KAZN: variants seen among roughly 807,000 people sequenced by gnomAD.
KAZN encodes the protein kazrin.
In KAZN, 40 loss-of-function variants were observed where a neutral mutation model predicts 87.4. That is an observed-to-expected ratio of 0.46 (90% CI 0.36 to 0.60). KAZN has a LOEUF of 0.60. KAZN is among the 20% of genes least tolerant of loss of function. KAZN has a pLI of 0.00. For missense variants in KAZN, 898 were observed against 1,073.9 expected (o/e 0.84, Z 2.29); for synonymous variants, 466 against 458.3 (o/e 1.02, Z -0.22).
At chr1:14,516,354 G>A (rs77358891) in intron 2 of KAZN, among the ~76,000 whole-genome samples, 43 of 152,236 alleles carry the variant, frequency 2.8e-4, no homozygotes, top group African/African-American at 9.6e-4. Context: ...TCTTCTCACC[G>A]GCAGATCAGA....
At chr1:14,232,677 G>A (rs1156613870) in intron 2 of KAZN, among the ~76,000 whole-genome samples, 1 of 152,174 alleles carries the variant, frequency 6.6e-6, no homozygotes, top group African/African-American at 2.4e-5. Flanking sequence ...GTTGCGTGAT[G>A]TTCCAGTACT....
At chr1:14,495,460 C>T (rs911812407) in intron 2 of KAZN, among the ~76,000 whole-genome samples, 17 of 152,154 alleles carry the variant, frequency 1.1e-4, no homozygotes, top group African/African-American at 4.1e-4. Flanking sequence ...CCAGATGGCT[C>T]ACTCCACACC....
At chr1:14,872,735 CATGGATGGATGGTTCG>C (rs1371321227) in intron 1 of KAZN, among the ~76,000 whole-genome samples, 1 of 152,104 alleles carries the variant, frequency 6.6e-6, no homozygotes, top group African/African-American at 2.4e-5. Context: ...GAAATTATTG[CATGGATGGATGGTTCG>C]ATGGATGGAT....
intron 1 of KAZN, among the ~76,000 whole-genome samples, chr1:13,911,990 T>G (rs1188819244): frequency 6.6e-6 from 1 of 152,220 alleles, no homozygotes; most frequent in Non-Finnish European, 1.5e-5. Context: ...CCCATTACTA[T>G]TGTTTTAAAT....
At position 14,856,373 on chromosome 1, in the gene KAZN, A is replaced by G. The variant is rs1650104728; in HGVS notation, c.227-104311A>G. 6.6e-6 allele frequency among the ~76,000 whole-genome samples: 1 copy of G among 152,212 alleles called. No individual in the cohort carries two copies. The highest frequency in any genetic ancestry group is 6.5e-5 in the Admixed American group (1 of 15,286). ...CTAGAGGTTTCTTTAAAGACAAGTG[A>G]AGATTCAATGCTAAGGAATTTTGAA... On this transcript the variant is annotated intron_variant, in intron 1 of 14. Transcript: ENST00000376030. This position sits in a 1 kb window ranked among gnomAD's most constrained non-coding sequence, Gnocchi z 5.2.
At chr1:15,049,424 GGT>G (rs1016680067) in intron 4 of KAZN, among the ~76,000 whole-genome samples, 8 of 152,134 alleles carry the variant, frequency 5.3e-5, no homozygotes, top group African/African-American at 1.9e-4. Flanking sequence ...TGCTCTGTAG[GGT>G]GTGTGGCAGC....
chr1:14,924,512 G>A (rs1658929389), intron 1 of KAZN: 2 of 1,003,444 alleles, frequency 2.0e-6, no homozygotes, highest in Non-Finnish European at 2.4e-6. Context: ...GGCGGGGCCC[G>A]GCGATCGGCC....
intron 2 of KAZN, among the ~76,000 whole-genome samples, chr1:14,502,600 C>T (rs1355210842): frequency 4.6e-5 from 7 of 152,090 alleles, no homozygotes; most frequent in African/African-American, 7.2e-5. Flanking sequence ...TTCTGGCAAA[C>T]GGTCAGTTTA....
intron 1 of KAZN, among the ~76,000 whole-genome samples, chr1:14,158,986 G>T (rs868733777): frequency 2.0e-5 from 3 of 151,986 alleles, no homozygotes; most frequent in Non-Finnish European, 2.9e-5. Context: ...CTGAGCCACC[G>T]GGAGCTGGGG....
At chr1:14,924,476 G>A in intron 1 of KAZN, 1 of 993,230 alleles carries the variant, frequency 1.0e-6, no homozygotes, top group Non-Finnish European at 1.2e-6. Context: ...CCCGGGACCC[G>A]CAGCCTGCGA....
At position 14,579,635 on chromosome 1, in the gene KAZN, T is replaced by TA. The variant is rs1187739247; in HGVS notation, c.250-19333dup. 8.5e-3 allele frequency among the ~76,000 whole-genome samples: 1,055 copies of TA among 124,536 alleles called. 4 individuals carry two copies. Among genetic ancestry groups the TA allele is most frequent in the East Asian group, 0.012 (51 of 4,394 alleles). 81.7% of individuals were successfully genotyped at this position (124,536 alleles called of 152,430 possible). On this transcript the variant is annotated intron_variant, in intron 2 of 16. Coordinates refer to the KAZN transcript ENST00000636203. ...GCGAGACTCCGTCTCAAAAAAAAAT[T>TA]AAAAAAAAAAAAAAAGAAATGCTAC...
chr1:14,975,590 A>G (rs1239429586), intron 2 of KAZN, among the ~76,000 whole-genome samples: 3 of 152,224 alleles, frequency 2.0e-5, no homozygotes, highest in African/African-American at 2.4e-5. Flanking sequence ...AAGTTTTTAT[A>G]TATTTATGGA....
At chr1:14,441,849 T>C (rs1201364168) in intron 2 of KAZN, among the ~76,000 whole-genome samples, 1 of 152,094 alleles carries the variant, frequency 6.6e-6, no homozygotes, top group Non-Finnish European at 1.5e-5. Context: ...AGGATAGATG[T>C]GTATGGTAAA....
At chr1:15,044,972 A>G (rs1007265045) in intron 4 of KAZN, among the ~76,000 whole-genome samples, 13 of 152,046 alleles carry the variant, frequency 8.6e-5, no homozygotes, top group Admixed American at 5.2e-4. Flanking sequence ...CAAACCCTCA[A>G]AATACTTCCA....
At chr1:14,197,257 T>C (rs987725850) in intron 2 of KAZN, among the ~76,000 whole-genome samples, 1 of 151,826 alleles carries the variant, frequency 6.6e-6, no homozygotes, top group Non-Finnish European at 1.5e-5. Context: ...TTGTTGAGAA[T>C]GAGAGAAAGA....
At chr1:14,402,485 A>G (rs1324789517) in intron 2 of KAZN, among the ~76,000 whole-genome samples, 5 of 152,182 alleles carry the variant, frequency 3.3e-5, no homozygotes, top group African/African-American at 4.8e-5. Context: ...AAAGGACTCA[A>G]GCAAATAGGA....
chr1:14,861,506 T>C (rs1405297682), intron 1 of KAZN, among the ~76,000 whole-genome samples: 1 of 152,216 alleles, frequency 6.6e-6, no homozygotes, highest in African/African-American at 2.4e-5. Flanking sequence ...ATCCTGTTTC[T>C]CCACTAATGT....
At chr1:15,100,462 C>A (rs374901946) in intron 10 of KAZN, among the ~76,000 whole-genome samples, 2 of 152,204 alleles carry the variant, frequency 1.3e-5, no homozygotes, top group Non-Finnish European at 1.5e-5. Flanking sequence ...CTTAGACCAG[C>A]GCTCTCCCAC....
intron 8 of KAZN, among the ~76,000 whole-genome samples, chr1:15,068,469 C>G (rs1267035090): frequency 6.6e-6 from 1 of 152,126 alleles, no homozygotes; most frequent in African/African-American, 2.4e-5. Flanking sequence ...TCGTCTGCTT[C>G]CTTCTCCCCC....
Sources: gnomAD v4.1 joint callset for allele counts (sites outside exome capture counted in the v4.1 genomes callset) on GRCh38, gnomAD v4.1.1 for gene constraint, Gnocchi (gnomAD v3.1) non-coding constraint, MANE v1.5 for transcripts, NCBI Gene and HGNC (gene_info 2026-07-23, HGNC 2026-07-21) for gene names.